Variants in SDK1 observed in about 807,000 individuals in gnomAD.
SDK1 encodes the protein protein sidekick-1.
In SDK1, 157 loss-of-function variants were observed where a neutral mutation model predicts 245.5. The ratio of observed to expected loss-of-function variants is 0.64; its 90% CI spans 0.56 to 0.73. The LOEUF is 0.73. SDK1 is among the 30% of genes least tolerant of loss of function. The pLI is 0.00. For synonymous variants in SDK1, 1,647 were observed against 1,278.5 expected, an observed-to-expected ratio of 1.29 and a Z score of -6.15; for missense variants, 3,583 against 3,002.3, an observed-to-expected ratio of 1.19 and a Z score of -4.52.
At chr7:3,495,642 G>C (rs983853390) in intron 1 of SDK1, among the ~76,000 whole-genome samples, 2 of 152,210 alleles carry the variant, frequency 1.3e-5, no homozygotes, top group Admixed American at 6.5e-5. Context: ...CAAAAGTAAT[G>C]ATGTCATGCT....
chr7:3,639,150 A>G lies in SDK1; in HGVS notation c.565+40A>G, dbSNP rs375581203. 2.6e-6 allele frequency: 3 copies of G among 1,173,728 alleles called. No individual in the cohort carries two copies. In the African/African-American group the frequency reaches 4.5e-5, roughly 18 times the overall value. The allele number at this position is 1,173,728 out of a possible 1,614,324, so 72.7% of individuals were successfully genotyped here. A position where few individuals can be genotyped will look rare whatever the true frequency, so the allele number is the denominator to read the frequency against. On this transcript the variant is annotated intron_variant, in intron 3 of 44. Coordinates refer to ENST00000404826, the MANE Select transcript of SDK1 (RefSeq NM_152744.4). The stretch of plus-strand genomic sequence containing the variant: ...AGGAGATGTCCAAATGTTAAAGAAC[A>G]AAGTGTCGCTGGGGAGTCAATCAGA...
At chr7:3,650,114 A>G (rs999410481) in intron 4 of SDK1, among the ~76,000 whole-genome samples, 5 of 151,980 alleles carry the variant, frequency 3.3e-5, no homozygotes, top group African/African-American at 1.2e-4. Context: ...CCATGGCATG[A>G]TCATAGCCCG....
intron 5 of SDK1, among the ~76,000 whole-genome samples, chr7:3,946,229 G>C (rs1490829363): frequency 6.6e-6 from 1 of 151,948 alleles, no homozygotes; most frequent in East Asian, 1.9e-4. Flanking sequence ...CCAGGCTGGA[G>C]TGCAGTGGTG....
intron 1 of SDK1, among the ~76,000 whole-genome samples, chr7:3,439,220 C>T (rs1204185486): frequency 6.6e-6 from 1 of 152,106 alleles, no homozygotes; most frequent in East Asian, 1.9e-4. Context: ...GGTGGTTAGA[C>T]ACAATATAGT....
intron 1 of SDK1, among the ~76,000 whole-genome samples, chr7:3,529,443 G>A (rs1783267499): frequency 6.6e-6 from 1 of 152,190 alleles, no homozygotes; most frequent in African/African-American, 2.4e-5. Flanking sequence ...TCAAGTTACA[G>A]GTCCCAGCTT....
At chr7:3,507,370 C>A (rs1489248347) in intron 1 of SDK1, among the ~76,000 whole-genome samples, 5 of 152,164 alleles carry the variant, frequency 3.3e-5, no homozygotes, top group Non-Finnish European at 7.3e-5. Flanking sequence ...CTTCAAATTG[C>A]TCTGATCTCT....
chr7:4,123,561 C>G (rs1193557529), intron 25 of SDK1, among the ~76,000 whole-genome samples: 1 of 152,174 alleles, frequency 6.6e-6, no homozygotes, highest in Non-Finnish European at 1.5e-5. Context: ...AAGCCCCCTT[C>G]CTCTTTGGAG....
intron 4 of SDK1, among the ~76,000 whole-genome samples, chr7:3,771,921 C>T (rs1780416040): frequency 6.6e-6 from 1 of 152,242 alleles, no homozygotes; most frequent in South Asian, 2.1e-4. Context: ...TAATTCCCTT[C>T]TTCCTTGAGC....
chr7:3,892,429 C>A (rs1781482961), intron 5 of SDK1, among the ~76,000 whole-genome samples: 1 of 152,166 alleles, frequency 6.6e-6, no homozygotes, highest in Non-Finnish European at 1.5e-5. Flanking sequence ...GAAGCGGGAA[C>A]CCCCAGGATC....
intron 22 of SDK1, among the ~76,000 whole-genome samples, chr7:4,095,567 T>A (rs972503681): frequency 1.3e-4 from 20 of 152,066 alleles, no homozygotes; most frequent in Non-Finnish European, 2.4e-4. Flanking sequence ...TTTTTAATTT[T>A]TATTTATTTA....
intron 22 of SDK1, among the ~76,000 whole-genome samples, chr7:4,108,447 G>A (rs1783098166): frequency 6.6e-6 from 1 of 150,980 alleles, no homozygotes; most frequent in East Asian, 1.9e-4. Context: ...GGATATGAGG[G>A]TTTTGATGTC....
chr7:4,022,630 C>T (rs555733686), intron 17 of SDK1, among the ~76,000 whole-genome samples: 16 of 152,116 alleles, frequency 1.1e-4, no homozygotes, highest in Non-Finnish European at 2.2e-4. Context: ...GCAGCTCATT[C>T]TTCTAGAGCA....
At chr7:3,970,881 G>C (rs1020585691) in intron 11 of SDK1, among the ~76,000 whole-genome samples, 2 of 152,228 alleles carry the variant, frequency 1.3e-5, no homozygotes, top group Admixed American at 6.5e-5. Context: ...TGGAAGCAGA[G>C]CAGGTCCCCC....
chr7:3,525,220 G>A (rs564883773), intron 1 of SDK1, among the ~76,000 whole-genome samples: 21 of 152,078 alleles, frequency 1.4e-4, no homozygotes, highest in Non-Finnish European at 2.2e-4. Flanking sequence ...ACCAATGCCC[G>A]TGGATCCCAA....
chr7:4,093,438 T>G (rs1018067270), intron 22 of SDK1, among the ~76,000 whole-genome samples: 1 of 141,652 alleles, frequency 7.1e-6, no homozygotes, highest in African/African-American at 2.8e-5. Context: ...TAAAACTGTT[T>G]TCATTCTGAA....
intron 2 of SDK1, among the ~76,000 whole-genome samples, chr7:3,632,170 G>A (rs1329501293): frequency 1.3e-5 from 2 of 152,114 alleles, no homozygotes; most frequent in African/African-American, 4.8e-5. Flanking sequence ...CGACTTGAGA[G>A]AGCAATTAAT....
chr7:3,801,712 C>T (rs1184742252), intron 4 of SDK1, among the ~76,000 whole-genome samples: 4 of 152,196 alleles, frequency 2.6e-5, no homozygotes, highest in Non-Finnish European at 5.9e-5. Context: ...CTCTCTGGTT[C>T]CTTCTCCTCT....
chr7:3,819,286 G>T (rs1583447052), intron 4 of SDK1, among the ~76,000 whole-genome samples: 1 of 150,524 alleles, frequency 6.6e-6, no homozygotes, highest in Non-Finnish European at 1.5e-5. Flanking sequence ...AAAACTAAAA[G>T]AAAAAGATAA....
chr7:3,570,984 A>T (rs1312818417), intron 1 of SDK1, among the ~76,000 whole-genome samples: 1 of 152,064 alleles, frequency 6.6e-6, no homozygotes, highest in Non-Finnish European at 1.5e-5. Context: ...CACTTAAAGT[A>T]CACACGTTTG....
Sources: allele counts gnomAD v4.1 joint callset (sites outside exome capture counted in the v4.1 genomes callset), GRCh38; gene constraint gnomAD v4.1.1; transcripts MANE v1.5; gene names NCBI Gene and HGNC (gene_info 2026-07-23, HGNC 2026-07-21).